Variants in ARFGEF1 observed in about 807,000 individuals in gnomAD.
ARFGEF1 encodes the protein brefeldin A-inhibited guanine nucleotide-exchange protein 1.
Under a neutral mutation model 231.0 loss-of-function variants are expected in ARFGEF1, and 42 were observed. That is an observed-to-expected ratio of 0.18 (90% CI 0.14 to 0.24). ARFGEF1 has a LOEUF of 0.24. Among genes scored for constraint, ARFGEF1 ranks in the 10% least tolerant of loss-of-function variants. ARFGEF1 has a pLI of 1.00. For missense variants in ARFGEF1, 1,345 were observed against 2,192.0 expected, an observed-to-expected ratio of 0.61 and a Z score of 7.72; for synonymous variants, 710 against 732.3, an observed-to-expected ratio of 0.97 and a Z score of 0.49.
Position 67,201,546 on chromosome 8 carries a change from C to A in ARFGEF1, c.5188G>T (p.Gly1730Trp). Residue 1730 changes from glycine to tryptophan, a missense_variant, in exon 37 of 39, where the codon GGG becomes TGG. Gly to Trp is a radical substitution (Grantham distance 184). Around this residue, in one of 14 missense-constraint regions of ARFGEF1, gnomAD observed 161 missense variants for 284.9 expected, o/e 0.57. Coordinates refer to ENST00000262215, the MANE Select transcript of ARFGEF1 (RefSeq NM_006421.5). ...TACATCCGGAAGAGAATGCGCAGCCCACAGGCCAGGCTGCTGGTCTCCTGC... is the reference window on the plus strand; with the variant it reads ...TACATCCGGAAGAGAATGCGCAGCCAACAGGCCAGGCTGCTGGTCTCCTGC... ...LKQETSSLAC[G>W]LRILFRMYMD... 6.2e-7 allele frequency: 1 copy of A among 1,613,652 alleles called. No homozygotes were observed. The highest frequency in any genetic ancestry group is 8.5e-7 in the Non-Finnish European group (1 of 1,179,824).
At chr8:67,342,879 C>A (rs1808708764) in intron 1 of ARFGEF1, among the ~76,000 whole-genome samples, 1 of 152,146 alleles carries the variant, frequency 6.6e-6, no homozygotes, top group African/African-American at 2.4e-5. Context: ...CCAACAAAAT[C>A]CTCTCACTCT....
intron 1 of ARFGEF1, among the ~76,000 whole-genome samples, chr8:67,320,250 A>AAAAAAAAAAAAAAAT (rs1563914100): frequency 7.3e-6 from 1 of 136,712 alleles, no homozygotes; most frequent in Non-Finnish European, 1.5e-5. Flanking sequence ...AAAAAAAAAA[A>AAAAAAAAAAAAAAAT]GTGCTCAACA....
chr8:67,205,089 G>A (rs1838464926), intron 34 of ARFGEF1, among the ~76,000 whole-genome samples: 1 of 152,216 alleles, frequency 6.6e-6, no homozygotes. Context: ...GCCCAGGACA[G>A]CTTTGAATGC....
chr8:67,255,238 GAAGCTGTATAA>G (rs1242474420), intron 17 of ARFGEF1, among the ~76,000 whole-genome samples: 3 of 152,160 alleles, frequency 2.0e-5, no homozygotes, highest in African/African-American at 7.2e-5. Flanking sequence ...GTGGGATTCT[GAAGCTGTATAA>G]AACAAAATCC....
intron 23 of ARFGEF1, among the ~76,000 whole-genome samples, chr8:67,232,213 G>GA (rs1839576135): frequency 6.6e-6 from 1 of 151,756 alleles, no homozygotes; most frequent in Non-Finnish European, 1.5e-5. Context: ...GGAAGAAAAA[G>GA]AAAAAACATT....
At chr8:67,217,304 C>CAAA (rs1388888346) in intron 32 of ARFGEF1, among the ~76,000 whole-genome samples, 2 of 83,262 alleles carry the variant, frequency 2.4e-5, no homozygotes, top group Non-Finnish European at 5.0e-5. Flanking sequence ...AACTCCATCT[C>CAAA]AAAAAAAAAA....
At chr8:67,322,770 T>C (rs1807656096) in intron 1 of ARFGEF1, among the ~76,000 whole-genome samples, 1 of 152,188 alleles carries the variant, frequency 6.6e-6, no homozygotes, top group Admixed American at 6.5e-5. Context: ...CTAAGATAAT[T>C]ACACTTCTCT....
chr8:67,243,788 G>C (rs1399376011), intron 19 of ARFGEF1, among the ~76,000 whole-genome samples: 3 of 152,170 alleles, frequency 2.0e-5, no homozygotes, highest in Non-Finnish European at 2.9e-5. Flanking sequence ...CAATCCTGGA[G>C]AAAGAGATAT....
At chr8:67,338,751 C>T (rs1229882546) in intron 1 of ARFGEF1, among the ~76,000 whole-genome samples, 1 of 152,176 alleles carries the variant, frequency 6.6e-6, no homozygotes, top group African/African-American at 2.4e-5. Context: ...TTCTTCTACC[C>T]ATCTCAAAAA....
intron 1 of ARFGEF1, among the ~76,000 whole-genome samples, chr8:67,312,781 T>C (rs1807133409): frequency 1.3e-5 from 2 of 152,132 alleles, no homozygotes; most frequent in Admixed American, 1.3e-4. Flanking sequence ...AGAGGGAAGA[T>C]AAAAGGACCT....
At chr8:67,189,965 G>A (rs75226065) in intron 5 of ARFGEF1, among the ~76,000 whole-genome samples, 3,584 of 152,302 alleles carry the variant, frequency 0.024, 56 homozygotes, top group Admixed American at 0.044. Context: ...CCAAGTGTTG[G>A]TGAGGATGTG....
chr8:67,267,291 T>C (rs1013140096), intron 11 of ARFGEF1, 52 bp downstream of exon 11: 2 of 1,590,644 alleles, frequency 1.3e-6, no homozygotes, highest in African/African-American at 2.7e-5. Context: ...CATTTGGCCT[T>C]TTAAATATCT....
At chr8:67,270,071 T>G (rs991426124) in intron 10 of ARFGEF1, among the ~76,000 whole-genome samples, 5 of 152,342 alleles carry the variant, frequency 3.3e-5, no homozygotes, top group African/African-American at 1.2e-4. Flanking sequence ...ATGAAAGACT[T>G]CTGGTTTTTT....
chr8:67,222,190 T>TAC lies in ARFGEF1; in HGVS notation c.4209-2631_4209-2630insGT, dbSNP rs1554636814. Among the ~76,000 whole-genome samples the TAC allele has an allele frequency of 2.0e-3, 275 of 134,920 alleles. 1 individual carries two copies. The highest frequency in any genetic ancestry group is 8.1e-3 in the African/African-American group (267 of 33,114). The allele number at this position is 134,920 out of a possible 152,430, so 88.5% of individuals were successfully genotyped here. On this transcript the variant is annotated intron_variant, in intron 29 of 38. Transcript: ENST00000262215. ...ATATATATATATATACACATATATA[T>TAC]ATATATATATATATACACACACATA... is the stretch of plus-strand genomic sequence containing the variant.
At chr8:67,285,758 T>C (rs1159114488) in intron 7 of ARFGEF1, among the ~76,000 whole-genome samples, 1 of 152,186 alleles carries the variant, frequency 6.6e-6, no homozygotes, top group Non-Finnish European at 1.5e-5. Context: ...TTTTGCCAAA[T>C]ATATTTAATC....
intron 19 of ARFGEF1, among the ~76,000 whole-genome samples, chr8:67,246,050 G>A (rs1377750908): frequency 6.7e-6 from 1 of 150,350 alleles, no homozygotes; most frequent in Non-Finnish European, 1.5e-5. Context: ...TACAGCAATT[G>A]TGTGTGGATG....
At chr8:67,304,937 G>A (rs945654147) in intron 1 of ARFGEF1, among the ~76,000 whole-genome samples, 2 of 152,114 alleles carry the variant, frequency 1.3e-5, no homozygotes, top group Non-Finnish European at 2.9e-5. Context: ...TTATTTAAGA[G>A]GCTGAGATAC....
At chr8:67,208,486 C>T (rs1838600666) in intron 34 of ARFGEF1, among the ~76,000 whole-genome samples, 1 of 151,860 alleles carries the variant, frequency 6.6e-6, no homozygotes, top group Non-Finnish European at 1.5e-5. Context: ...AAAAATTAGC[C>T]AGGTGTAGTG....
chr8:67,275,136 G>A (rs1003828493), intron 9 of ARFGEF1, among the ~76,000 whole-genome samples: 4 of 151,938 alleles, frequency 2.6e-5, no homozygotes, highest in Non-Finnish European at 5.9e-5. Context: ...TTGAAGTACC[G>A]TTTCCTTACA....
Sources: allele counts gnomAD v4.1 joint callset (sites outside exome capture counted in the v4.1 genomes callset), GRCh38; gene constraint gnomAD v4.1.1; regional missense constraint gnomAD v4.1.1; transcripts MANE v1.5; gene names NCBI Gene and HGNC (gene_info 2026-07-23, HGNC 2026-07-21).